TRAPPC13: variants seen among roughly 807,000 people sequenced by gnomAD.
TRAPPC13 encodes trafficking protein particle complex subunit 13.
Under a neutral mutation model 54.0 loss-of-function variants are expected in TRAPPC13, and 39 were observed. That is an observed-to-expected ratio of 0.72 (90% CI 0.56 to 0.94). The LOEUF (loss-of-function observed/expected upper bound fraction) is 0.94. Ranked by LOEUF, TRAPPC13 falls within the 40% of genes least tolerant of loss-of-function variation. The pLI, the probability that TRAPPC13 is intolerant of heterozygous loss-of-function variation, is 0.00. For missense variants in TRAPPC13, 386 were observed against 488.1 expected (o/e 0.79, Z 1.97); for synonymous variants, 148 against 167.7 (o/e 0.88, Z 0.91).
chr5:65,646,860 G>A (rs536535119), intron 4 of TRAPPC13, among the ~76,000 whole-genome samples, 195 bp from the exon 5 acceptor site: 1 of 151,596 alleles, frequency 6.6e-6, no homozygotes, highest in South Asian at 2.1e-4. Flanking sequence ...TTTTTTTGGG[G>A]TTGGGGGGGT....
At chr5:65,654,405 A>G (rs753526962) in intron 7 of TRAPPC13, among the ~76,000 whole-genome samples, 5 of 152,184 alleles carry the variant, frequency 3.3e-5, no homozygotes, top group Non-Finnish European at 7.4e-5. Context: ...TTCAATCAAA[A>G]TAATTTCAGT....
rs1756666946 is a variant in TRAPPC13, at chr5:65,656,761, C to A, written c.564+1108C>A. 5.3e-5 allele frequency among the ~76,000 whole-genome samples: 8 copies of A among 151,958 alleles called. No individual in the cohort carries two copies. The South Asian group carries it at 1.7e-3, about 32-fold the overall frequency. ...TCTCTATAAAAAATACAAAAATTAG[C>A]CAGGCATGGTGGCACTTGCCCGTAA... On this transcript the variant is annotated intron_variant, in intron 8 of 12. Coordinates refer to ENST00000399438, the MANE Select transcript of TRAPPC13 (RefSeq NM_024941.4).
At chr5:65,628,688 T>C (rs1278656513) in intron 1 of TRAPPC13, among the ~76,000 whole-genome samples, 2 of 151,902 alleles carry the variant, frequency 1.3e-5, no homozygotes, top group Non-Finnish European at 2.9e-5. Context: ...GCCAGGCTGG[T>C]CTCAAGCTCC....
chr5:65,658,343 G>A (rs758914399), intron 8 of TRAPPC13, 25 bp from the exon 9 acceptor site: 3 of 1,570,316 alleles, frequency 1.9e-6, no homozygotes, highest in South Asian at 1.2e-5. Flanking sequence ...CCACACCTTG[G>A]TGGATATTTT....
chr5:65,656,210 G>A (rs939702554), intron 8 of TRAPPC13, among the ~76,000 whole-genome samples: 12 of 152,166 alleles, frequency 7.9e-5, no homozygotes, highest in African/African-American at 2.9e-4. Flanking sequence ...AACATCAACT[G>A]CCTTAGCACT....
chr5:65,658,921 T>C (rs1382061241), intron 9 of TRAPPC13, among the ~76,000 whole-genome samples: 5 of 152,000 alleles, frequency 3.3e-5, no homozygotes, highest in African/African-American at 1.2e-4. Flanking sequence ...GGTTTCACCA[T>C]ATTGGCCAGG....
At chr5:65,646,121 A>G (rs1489525179) in intron 4 of TRAPPC13, among the ~76,000 whole-genome samples, 1 of 152,182 alleles carries the variant, frequency 6.6e-6, no homozygotes, top group Non-Finnish European at 1.5e-5. Flanking sequence ...AGGTAATTAT[A>G]GATTGTGATA....
intron 4 of TRAPPC13, among the ~76,000 whole-genome samples, chr5:65,641,999 C>T (rs1423815721): frequency 1.3e-5 from 2 of 151,782 alleles, no homozygotes; most frequent in Non-Finnish European, 2.9e-5. Flanking sequence ...CATTTATCTG[C>T]ATAGAGGTCT....
intron 1 of TRAPPC13, chr5:65,634,853 C>T (rs982028077): frequency 3.7e-5 from 15 of 404,154 alleles, no homozygotes; most frequent in South Asian, 1.1e-4. Context: ...GAGCCGAGAT[C>T]GCACCACTAC....
intron 3 of TRAPPC13, 145 bp downstream of exon 3, chr5:65,636,188 G>A: frequency 1.7e-6 from 1 of 584,864 alleles, no homozygotes; most frequent in Non-Finnish European, 2.9e-6. Flanking sequence ...CTATTGCCCA[G>A]GCTGGAGTAC....
chr5:65,647,049 T>C lies in TRAPPC13; in HGVS notation c.301-6T>C. On this transcript the variant is annotated splice_region_variant and splice_polypyrimidine_tract_variant and intron_variant, in intron 4 of 12. Coordinates refer to ENST00000399438, the MANE Select transcript of TRAPPC13 (RefSeq NM_024941.4). ...ACTTTTTTTTTTTTTTTAACTTTCT[T>C]TCAAGGCTGATCTTCAGACAAGTTC... The C allele has an allele frequency of 1.3e-6, 2 of 1,533,100 alleles. No individual in the cohort carries two copies. The highest frequency in any genetic ancestry group is 1.8e-6 in the Non-Finnish European group (2 of 1,141,368). 95.0% of individuals were successfully genotyped at this position (1,533,100 alleles called of 1,614,324 possible).
intron 1 of TRAPPC13, among the ~76,000 whole-genome samples, chr5:65,632,983 G>A (rs749799279): frequency 8.5e-5 from 13 of 152,178 alleles, no homozygotes; most frequent in Non-Finnish European, 1.3e-4. Flanking sequence ...AAAACTGAAC[G>A]TAGTACATAA....
Position 65,664,607 on chromosome 5 carries a change from G to T in TRAPPC13, c.1250G>T (p.Ser417Ile). ...CVVSSAIKVE[S>I] is the part of the protein sequence containing the mutation. Reference sequence around the variant, plus strand: ...GTATCTTCTGCCATTAAAGTGGAAAGCTGAAGGAAACTTCCAATGTTAGGC... The same window carrying T: ...GTATCTTCTGCCATTAAAGTGGAAATCTGAAGGAAACTTCCAATGTTAGGC... The change falls in exon 13 of 13, where the codon AGC becomes ATC. Residue 417 changes from serine to isoleucine, a missense_variant. Coordinates refer to ENST00000399438, the MANE Select transcript of TRAPPC13 (RefSeq NM_024941.4). 1 of 1,610,704 alleles carries T rather than the reference G, an allele frequency of 6.2e-7. No homozygotes were observed. Among genetic ancestry groups the T allele is most frequent in the East Asian group, 2.2e-5 (1 of 44,828 alleles).
At chr5:65,663,953 C>T (rs1260593254) in intron 11 of TRAPPC13, 2 of 309,476 alleles carry the variant, frequency 6.5e-6, no homozygotes, top group Non-Finnish European at 1.2e-5. Context: ...ATGGTAGCAC[C>T]AGATCAGCAC....
intron 4 of TRAPPC13, among the ~76,000 whole-genome samples, chr5:65,643,094 T>A (rs62372490): frequency 0.073 from 11,134 of 152,056 alleles, 417 homozygotes; most frequent in East Asian, 0.099. Context: ...AAGAATTCTG[T>A]AATTTCAGTC....
At chr5:65,648,744 C>T (rs1756303738) in intron 5 of TRAPPC13, among the ~76,000 whole-genome samples, 1 of 152,148 alleles carries the variant, frequency 6.6e-6, no homozygotes, top group Non-Finnish European at 1.5e-5. Context: ...GTTACCACCC[C>T]ATATAACCAA....
At chr5:65,662,309 A>C (rs1404463258) in intron 11 of TRAPPC13, 159 bp downstream of exon 11, 3 of 511,882 alleles carry the variant, frequency 5.9e-6, no homozygotes, top group South Asian at 3.0e-5. Flanking sequence ...ATCTGGTAGC[A>C]GTATAATTAC....
chr5:65,627,462 T>C (rs572558224), intron 1 of TRAPPC13, among the ~76,000 whole-genome samples: 112 of 152,126 alleles, frequency 7.4e-4, no homozygotes, highest in Middle Eastern at 3.4e-3. Flanking sequence ...AAACCCCGTC[T>C]CTACTGAAAA....
intron 4 of TRAPPC13, among the ~76,000 whole-genome samples, chr5:65,642,478 A>G (rs1267576684): frequency 6.6e-6 from 1 of 152,010 alleles, no homozygotes; most frequent in Non-Finnish European, 1.5e-5. Context: ...ATATGTTTCT[A>G]TTCTCTTTAA....
Sources: allele counts gnomAD v4.1 joint callset (sites outside exome capture counted in the v4.1 genomes callset), GRCh38; gene constraint gnomAD v4.1.1; transcripts MANE v1.5; gene names NCBI Gene and HGNC (gene_info 2026-07-23, HGNC 2026-07-21).